Variants in NDST4 observed in about 807,000 individuals in gnomAD.
NDST4 encodes N-heparan sulfate sulfotransferase 4.
In NDST4, 63 loss-of-function variants were observed where a neutral mutation model predicts 100.8. That is an observed-to-expected ratio of 0.62 (90% CI 0.51 to 0.77). The LOEUF (loss-of-function observed/expected upper bound fraction) is 0.77. Ranked by LOEUF, NDST4 falls within the 30% of genes least tolerant of loss-of-function variation. The pLI is 0.00. For synonymous variants in NDST4, 377 were observed against 361.8 expected (o/e 1.04, Z -0.48); for missense variants, 943 against 1,018.4 (o/e 0.93, Z 1.01).
intron 2 of NDST4, among the ~76,000 whole-genome samples, chr4:114,988,510 C>T (rs367612270): frequency 1.5e-3 from 222 of 151,400 alleles, no homozygotes; most frequent in Non-Finnish European, 2.5e-3. Flanking sequence ...TACAGGCGCC[C>T]GCCACCACGC....
At chr4:115,011,505 A>G (rs1727546186) in intron 2 of NDST4, among the ~76,000 whole-genome samples, 1 of 151,802 alleles carries the variant, frequency 6.6e-6, no homozygotes, top group Non-Finnish European at 1.5e-5. Flanking sequence ...ACTTCCTTAA[A>G]ATGGTTGGTA....
intron 2 of NDST4, among the ~76,000 whole-genome samples, chr4:114,982,967 G>T (rs1726813154): frequency 6.6e-6 from 1 of 152,214 alleles, no homozygotes; most frequent in Non-Finnish European, 1.5e-5. Context: ...TTCAGAGGGT[G>T]CAAGCTCCAA....
At chr4:115,096,765 C>A (rs959945766) in intron 1 of NDST4, among the ~76,000 whole-genome samples, 1 of 152,092 alleles carries the variant, frequency 6.6e-6, no homozygotes, top group Non-Finnish European at 1.5e-5. Context: ...ACTTACTTCA[C>A]AATCTATCGC....
intron 2 of NDST4, among the ~76,000 whole-genome samples, chr4:115,042,632 G>A (rs1728375648): frequency 6.6e-6 from 1 of 151,952 alleles, no homozygotes; most frequent in South Asian, 2.1e-4. Flanking sequence ...GTGTGTATAG[G>A]AAAAAGTGTA....
At chr4:114,853,995 T>A (rs1723735759) in intron 7 of NDST4, among the ~76,000 whole-genome samples, 1 of 152,190 alleles carries the variant, frequency 6.6e-6, no homozygotes, top group Admixed American at 6.5e-5. Flanking sequence ...TTTTGTTATT[T>A]TAAATGTAAA....
At chr4:115,049,765 T>C (rs190572682) in intron 2 of NDST4, among the ~76,000 whole-genome samples, 1 of 151,946 alleles carries the variant, frequency 6.6e-6, no homozygotes, top group African/African-American at 2.4e-5. Context: ...GTTGTTGGAG[T>C]TGGGGTATTG....
At chr4:114,831,210 G>A (rs1396289247) in intron 12 of NDST4, among the ~76,000 whole-genome samples, 1 of 147,730 alleles carries the variant, frequency 6.8e-6, no homozygotes, top group Admixed American at 6.6e-5. Flanking sequence ...CCGCCACGGC[G>A]CCCGGCTAAT....
intron 6 of NDST4, among the ~76,000 whole-genome samples, chr4:114,891,424 G>C (rs1020583185): frequency 1.8e-4 from 27 of 151,696 alleles, no homozygotes; most frequent in African/African-American, 6.3e-4. Flanking sequence ...TCAATTTCTT[G>C]GTTTTCTTCC....
intron 2 of NDST4, among the ~76,000 whole-genome samples, chr4:115,038,114 T>G (rs750094803): frequency 6.6e-6 from 1 of 152,180 alleles, no homozygotes; most frequent in African/African-American, 2.4e-5. Flanking sequence ...CAATTGATAT[T>G]TGTTTAGCAA....
chr4:115,062,186 A>G (rs1010584369), intron 2 of NDST4, among the ~76,000 whole-genome samples: 1 of 152,086 alleles, frequency 6.6e-6, no homozygotes, highest in African/African-American at 2.4e-5. Context: ...AAGTATCATA[A>G]CGATCTGTTA....
At chr4:115,069,493 G>A (rs1729025533) in intron 2 of NDST4, among the ~76,000 whole-genome samples, 1 of 152,146 alleles carries the variant, frequency 6.6e-6, no homozygotes, top group South Asian at 2.1e-4. Context: ...ATGGGCAGAT[G>A]ACATGAACAG....
At chr4:114,828,649 T>C (rs1275242929) in intron 13 of NDST4, among the ~76,000 whole-genome samples, 1 of 152,210 alleles carries the variant, frequency 6.6e-6, no homozygotes, top group Admixed American at 6.5e-5. Context: ...CTAATTGGAC[T>C]TTCTTTCTGG....
intron 2 of NDST4, among the ~76,000 whole-genome samples, chr4:115,053,191 TG>T (rs1206590735): frequency 1.3e-5 from 2 of 152,072 alleles, no homozygotes; most frequent in Non-Finnish European, 2.9e-5. Context: ...CAAACACAGC[TG>T]AAACAGGCAA....
intron 2 of NDST4, among the ~76,000 whole-genome samples, chr4:114,987,156 A>G (rs1726932748): frequency 6.6e-6 from 1 of 152,070 alleles, no homozygotes; most frequent in African/African-American, 2.4e-5. Flanking sequence ...TATGAAATCA[A>G]ATAGCCAAGA....
chr4:115,017,199 T>C (rs1158032059), intron 2 of NDST4, among the ~76,000 whole-genome samples: 2 of 152,084 alleles, frequency 1.3e-5, no homozygotes, highest in Non-Finnish European at 2.9e-5. Context: ...CTAAGTATTA[T>C]TAGGAAAGAA....
chr4:115,063,305 TA>T (rs1728862816), intron 2 of NDST4, among the ~76,000 whole-genome samples: 2 of 152,082 alleles, frequency 1.3e-5, no homozygotes, highest in South Asian at 4.1e-4. Flanking sequence ...GCTCTAGAGC[TA>T]GGCTCAGAGT....
chr4:114,944,407 G>T (rs186844075), intron 4 of NDST4, among the ~76,000 whole-genome samples: 1 of 151,772 alleles, frequency 6.6e-6, no homozygotes, highest in Non-Finnish European at 1.5e-5. Flanking sequence ...ATCTTTTTTC[G>T]CCTCTTCCCC....
intron 6 of NDST4, among the ~76,000 whole-genome samples, chr4:114,916,381 T>C (rs958676342): frequency 2.6e-5 from 4 of 152,168 alleles, no homozygotes; most frequent in Non-Finnish European, 5.9e-5. Flanking sequence ...CTCTATCTCC[T>C]TTTATTATAC....
intron 6 of NDST4, among the ~76,000 whole-genome samples, chr4:114,929,097 CATCCATCCATCCATCCATCTATCT>C (rs1369009635): frequency 8.8e-4 from 111 of 126,422 alleles, no homozygotes; most frequent in Admixed American, 1.5e-3. Context: ...TCCATCCATC[CATCCATCCATCCATCCATCTATCT>C]ATCTATCTAT....
Sources: allele counts gnomAD v4.1 joint callset (sites outside exome capture counted in the v4.1 genomes callset), GRCh38; gene constraint gnomAD v4.1.1; transcripts MANE v1.5; gene names NCBI Gene and HGNC (gene_info 2026-07-23, HGNC 2026-07-21).